Variants in DNM3 observed in about 807,000 individuals in gnomAD.
DNM3 encodes dynamin 3.
Under a neutral mutation model 101.6 loss-of-function variants are expected in DNM3, and 47 were observed. The observed-to-expected ratio is 0.46, with a 90% CI of 0.37 to 0.59. The LOEUF is 0.59. DNM3 is among the 20% of genes least tolerant of loss of function. The pLI is 0.00. For synonymous variants in DNM3, 385 were observed against 387.9 expected, an observed-to-expected ratio of 0.99 and a Z score of 0.09; for missense variants, 849 against 1,085.7, an observed-to-expected ratio of 0.78 and a Z score of 3.06.
chr1:172,066,989 C>T lies in DNM3; in HGVS notation c.1336-1830C>T, dbSNP rs530389189. Among the ~76,000 whole-genome samples, 52 of 150,650 alleles carry T rather than the reference C, an allele frequency of 3.5e-4. 1 individual carries two copies. The highest frequency in any genetic ancestry group is 1.2e-3 in the Admixed American group (18 of 15,032). On this transcript the variant is annotated intron_variant, in intron 10 of 20. Coordinates refer to ENST00000627582, the MANE Select transcript of DNM3 (RefSeq NM_015569.5). Reference sequence around the variant, plus strand: ...GTGTGTGTGTGTTTGTGTGTGTGTGCGCGCGTGCAAGACTTTTGATACATA... The same window carrying T: ...GTGTGTGTGTGTTTGTGTGTGTGTGTGCGCGTGCAAGACTTTTGATACATA...
chr1:172,315,837 T>G (rs925500065), intron 16 of DNM3, among the ~76,000 whole-genome samples: 3 of 152,090 alleles, frequency 2.0e-5, no homozygotes, highest in Non-Finnish European at 2.9e-5. Context: ...CAGGAGAACT[T>G]CCCCAATCTA....
chr1:172,138,421 G>A (rs903359908), intron 14 of DNM3: 11 of 145,466 alleles, frequency 7.6e-5, no homozygotes, highest in Admixed American at 2.1e-4. Context: ...AGAATTCTTA[G>A]AATAATTTAT....
intron 2 of DNM3, among the ~76,000 whole-genome samples, chr1:171,932,557 GT>G (rs1465107840): frequency 6.6e-6 from 1 of 151,918 alleles, no homozygotes; most frequent in Admixed American, 6.6e-5. Context: ...TTTATATAGT[GT>G]TCATGCTTTT....
At chr1:171,913,998 C>A (rs142694142) in intron 1 of DNM3, among the ~76,000 whole-genome samples, 9 of 151,976 alleles carry the variant, frequency 5.9e-5, no homozygotes, top group African/African-American at 2.2e-4. Flanking sequence ...TCATGTTGCT[C>A]AGGCTGGTCT....
chr1:172,318,907 C>G (rs907491580), intron 16 of DNM3, among the ~76,000 whole-genome samples: 1 of 152,026 alleles, frequency 6.6e-6, no homozygotes, highest in African/African-American at 2.4e-5. Flanking sequence ...CATGTGGAAC[C>G]AAAAAAGAGC....
At chr1:172,093,670 A>C (rs1307644351) in intron 13 of DNM3, 17 of 1,595,722 alleles carry the variant, frequency 1.1e-5, no homozygotes, top group Non-Finnish European at 1.4e-5. Flanking sequence ...TTCTGAACTA[A>C]AGCATATAAT....
chr1:172,095,478 A>G (rs952403617), intron 13 of DNM3, among the ~76,000 whole-genome samples: 1 of 152,216 alleles, frequency 6.6e-6, no homozygotes, highest in African/African-American at 2.4e-5. Context: ...AGTTCTTCCT[A>G]CTTAGCAGAA....
intron 16 of DNM3, among the ~76,000 whole-genome samples, chr1:172,312,862 A>G (rs552597844): frequency 2.6e-5 from 4 of 152,296 alleles, no homozygotes; most frequent in Non-Finnish European, 4.4e-5. Context: ...ATTTTTCCAT[A>G]TGGATTTTCT....
In DNM3 at chr1:172,410,373, C is replaced by T; in HGVS notation, c.*2532C>T. On this transcript the variant is annotated 3_prime_UTR_variant, in exon 21 of 21. Coordinates refer to ENST00000627582, the MANE Select transcript of DNM3 (RefSeq NM_015569.5). ...TTTCTAATCTTTTGTGTAATTTTCT[C>T]TTAACTGATTGCTCTGATATTGTAA... The T allele has an allele frequency of 5.1e-6, 5 of 985,214 alleles. No individual in the cohort carries two copies. The highest frequency in any genetic ancestry group is 6.0e-6 in the Non-Finnish European group (5 of 829,808). The allele number at this position is 985,214 out of a possible 1,614,324, so 61.0% of individuals were successfully genotyped here. A position where few individuals can be genotyped will look rare whatever the true frequency, so the allele number is the denominator to read the frequency against.
intron 1 of DNM3, among the ~76,000 whole-genome samples, chr1:171,874,563 A>G (rs1246244387): frequency 2.0e-5 from 3 of 152,202 alleles, no homozygotes; most frequent in Non-Finnish European, 4.4e-5. Flanking sequence ...AAAATATAAT[A>G]TTCATATAGT....
At position 172,298,710 on chromosome 1, in the gene DNM3, G is replaced by T. The variant is rs543348566; in HGVS notation, c.1770-10018G>T. The stretch of plus-strand genomic sequence containing the variant: ...CATCATCTTCCCGGAATCCCCAGGG[G>T]ATATAATGTTGAACATAAAAATGAT... On this transcript the variant is annotated intron_variant, in intron 15 of 20. Transcript: ENST00000627582. Among the ~76,000 whole-genome samples, 21 of 152,088 alleles carry T rather than the reference G, an allele frequency of 1.4e-4. 2 individuals are homozygous for T. The highest frequency in any genetic ancestry group is 5.1e-4 in the African/African-American group (21 of 41,444).
chr1:172,124,184 CCCCCT>C (rs1250603269), intron 13 of DNM3, among the ~76,000 whole-genome samples: 1 of 152,084 alleles, frequency 6.6e-6, no homozygotes, highest in African/African-American at 2.4e-5. Flanking sequence ...ATTTTGTGAG[CCCCCT>C]CCTCAATGTG....
Position 172,409,724 on chromosome 1 carries a change from A to C in DNM3, c.*1883A>C. 1.0e-6 allele frequency: 1 copy of C among 983,614 alleles called. No homozygotes were observed. The highest frequency in any genetic ancestry group is 1.2e-6 in the Non-Finnish European group (1 of 829,154). The allele number at this position is 983,614 out of a possible 1,614,324, so 60.9% of individuals were successfully genotyped here. On this transcript the variant is annotated 3_prime_UTR_variant, in exon 21 of 21. Coordinates refer to ENST00000627582, the MANE Select transcript of DNM3 (RefSeq NM_015569.5). ...AGTAAAACAAATAATCTTCAGTGAG[A>C]TCTTTTTATAAAACTTCTTGTTTTT...
intron 13 of DNM3, among the ~76,000 whole-genome samples, chr1:172,097,502 T>C (rs1291475408): frequency 1.3e-5 from 2 of 152,182 alleles, no homozygotes; most frequent in African/African-American, 4.8e-5. Context: ...TCATGTACAC[T>C]GGAGACATAA....
intron 14 of DNM3, among the ~76,000 whole-genome samples, chr1:172,212,133 G>C (rs1316256833): frequency 6.6e-6 from 1 of 152,048 alleles, no homozygotes; most frequent in Non-Finnish European, 1.5e-5. Context: ...CAAAAAGTCT[G>C]ATAAATGAGA....
intron 1 of DNM3, among the ~76,000 whole-genome samples, chr1:171,870,376 C>T (rs752820055): frequency 9.2e-5 from 14 of 151,976 alleles, no homozygotes; most frequent in Non-Finnish European, 2.1e-4. Flanking sequence ...TAGCTGAAGA[C>T]CAGGAGTCTT....
At position 172,101,041 on chromosome 1, in the gene DNM3, A is replaced by G. The variant is rs139578050; in HGVS notation, c.1545+8166A>G. 7.0e-3 allele frequency among the ~76,000 whole-genome samples: 1,062 copies of G among 152,320 alleles called. 10 individuals carry two copies. The highest frequency in any genetic ancestry group is 0.024 in the African/African-American group (992 of 41,564). On this transcript the variant is annotated intron_variant, in intron 13 of 20. Coordinates refer to ENST00000627582, the MANE Select transcript of DNM3 (RefSeq NM_015569.5). Reference sequence around the variant, plus strand: ...TATACTGATTGACTTAGGCCACATCATATGGGACAAGGGATGTTCCTCACC... The same window carrying G: ...TATACTGATTGACTTAGGCCACATCGTATGGGACAAGGGATGTTCCTCACC...
chr1:172,310,418 G>A (rs1005371314), intron 16 of DNM3: 2 of 152,142 alleles, frequency 1.3e-5, no homozygotes, highest in African/African-American at 4.8e-5. Flanking sequence ...ATTAAACAAG[G>A]GAGTGAATAA....
In DNM3 at chr1:171,950,587, CA is replaced by C. The variant is rs1261877268; in HGVS notation, c.235+28767del. On this transcript the variant is annotated intron_variant, in intron 2 of 20. Transcript: ENST00000627582. ...ATTAGGACATAACTTCATTGTAAGT[CA>C]GGGGCATCTGTATTTATATAAAAAT... Among the ~76,000 whole-genome samples, 3 of 152,098 alleles carry C rather than the reference CA, an allele frequency of 2.0e-5. No homozygotes were observed. In the South Asian group the frequency reaches 6.2e-4, roughly 32 times the overall value.
Sources: allele counts gnomAD v4.1 joint callset (sites outside exome capture counted in the v4.1 genomes callset), GRCh38; gene constraint gnomAD v4.1.1; transcripts MANE v1.5; gene names NCBI Gene and HGNC (gene_info 2026-07-23, HGNC 2026-07-21).